MAGI1: variants seen among roughly 807,000 people sequenced by gnomAD.
The protein encoded by MAGI1 is membrane associated guanylate kinase, WW and PDZ domain containing 1, also known as membrane-associated guanylate kinase, WW and PDZ domain-containing protein 1.
Under a neutral mutation model 139.9 loss-of-function variants are expected in MAGI1, and 58 were observed. The observed-to-expected ratio is 0.41, with a 90% CI of 0.34 to 0.52. MAGI1 has a LOEUF of 0.52. MAGI1 is among the 20% of genes least tolerant of loss of function. MAGI1 has a pLI of 0.12. For synonymous variants in MAGI1, 812 were observed against 737.9 expected, an observed-to-expected ratio of 1.10 and a Z score of -1.63; for missense variants, 1,874 against 1,901.6, an observed-to-expected ratio of 0.99 and a Z score of 0.27.
At chr3:65,392,182 T>C (rs182443147) in intron 13 of MAGI1, among the ~76,000 whole-genome samples, 329 of 152,316 alleles carry the variant, frequency 2.2e-3, no homozygotes, top group South Asian at 4.6e-3. Flanking sequence ...CCTTGTTCAT[T>C]AAAATCTGCT....
At chr3:65,958,687 G>C (rs976471487) in intron 1 of MAGI1, among the ~76,000 whole-genome samples, 1 of 151,980 alleles carries the variant, frequency 6.6e-6, no homozygotes, top group Admixed American at 6.6e-5. Context: ...TGGTGCTTGT[G>C]AGCAAAAATA....
intron 1 of MAGI1, among the ~76,000 whole-genome samples, chr3:65,734,090 C>T (rs1385598310): frequency 6.6e-6 from 1 of 152,148 alleles, no homozygotes; most frequent in East Asian, 1.9e-4. Flanking sequence ...CGATTTTTCC[C>T]ATGGCTGACA....
At chr3:65,699,725 G>T (rs1311041084) in intron 1 of MAGI1, among the ~76,000 whole-genome samples, 3 of 122,950 alleles carry the variant, frequency 2.4e-5, no homozygotes, top group African/African-American at 9.4e-5. Flanking sequence ...TGGGGACTGT[G>T]GTGGGGTGGG....
chr3:65,485,650 C>A (rs1951576797), intron 3 of MAGI1, among the ~76,000 whole-genome samples: 1 of 152,162 alleles, frequency 6.6e-6, no homozygotes, highest in African/African-American at 2.4e-5. Context: ...AACACATATT[C>A]AAAGAACAAC....
intron 17 of MAGI1, among the ~76,000 whole-genome samples, chr3:65,376,221 T>C (rs183862947): frequency 1.3e-5 from 2 of 152,258 alleles, no homozygotes; most frequent in Admixed American, 1.3e-4. Flanking sequence ...CTTAAACCAA[T>C]TACAAAATTT....
At chr3:65,822,213 G>C (rs1450486557) in intron 1 of MAGI1, among the ~76,000 whole-genome samples, 1 of 152,122 alleles carries the variant, frequency 6.6e-6, no homozygotes, top group Non-Finnish European at 1.5e-5. Flanking sequence ...GAATTTAATA[G>C]ATAAAAAGAA....
intron 1 of MAGI1, chr3:65,844,221 C>A: frequency 2.0e-6 from 1 of 491,476 alleles, no homozygotes; most frequent in Non-Finnish European, 4.0e-6. Flanking sequence ...GATATAGATT[C>A]TCTGGTCATT....
chr3:65,641,238 T>C (rs1393351053), intron 1 of MAGI1, among the ~76,000 whole-genome samples: 5 of 152,178 alleles, frequency 3.3e-5, no homozygotes, highest in Non-Finnish European at 4.4e-5. Context: ...TCCTGGAATG[T>C]TCTAACGACA....
intron 18 of MAGI1, among the ~76,000 whole-genome samples, chr3:65,372,943 C>T (rs1287948457): frequency 2.0e-5 from 3 of 152,154 alleles, no homozygotes; most frequent in Non-Finnish European, 4.4e-5. Context: ...GATTTTCTAT[C>T]CAGACCACTC....
chr3:65,717,033 T>G (rs1335595243), intron 1 of MAGI1, among the ~76,000 whole-genome samples: 2 of 152,166 alleles, frequency 1.3e-5, no homozygotes, highest in African/African-American at 2.4e-5. Flanking sequence ...GCCGATATGA[T>G]TAAGTAAAGG....
chr3:65,595,249 T>C (rs2082137222), intron 2 of MAGI1, among the ~76,000 whole-genome samples: 1 of 152,240 alleles, frequency 6.6e-6, no homozygotes, highest in Non-Finnish European at 1.5e-5. Flanking sequence ...TCATTACTTC[T>C]ATGGCACCAT....
chr3:65,794,780 A>T (rs2040012830), intron 1 of MAGI1, among the ~76,000 whole-genome samples: 1 of 151,998 alleles, frequency 6.6e-6, no homozygotes, highest in Non-Finnish European at 1.5e-5. Context: ...TTTTTGACTA[A>T]ATCTTTTATG....
At chr3:65,530,622 GTGGTGTGT>G (rs1481486565) in intron 2 of MAGI1, among the ~76,000 whole-genome samples, 3 of 58,932 alleles carry the variant, frequency 5.1e-5, no homozygotes, top group Admixed American at 2.5e-4. Flanking sequence ...GTATGTGTGT[GTGGTGTGT>G]GTGTGTGTGT....
intron 1 of MAGI1, among the ~76,000 whole-genome samples, chr3:65,940,489 G>A (rs1484158523): frequency 6.6e-6 from 1 of 152,092 alleles, no homozygotes; most frequent in African/African-American, 2.4e-5. Flanking sequence ...AAAGCTCTCT[G>A]GGGTCTGTTT....
At chr3:65,679,425 C>T (rs577300151) in intron 1 of MAGI1, among the ~76,000 whole-genome samples, 1 of 152,204 alleles carries the variant, frequency 6.6e-6, no homozygotes, top group African/African-American at 2.4e-5. Flanking sequence ...GGGCCGGGCA[C>T]GGTGGCTCAC....
chr3:65,750,536 T>C (rs547818664), intron 1 of MAGI1, among the ~76,000 whole-genome samples: 2 of 152,346 alleles, frequency 1.3e-5, no homozygotes, highest in African/African-American at 4.8e-5. Flanking sequence ...TTCACACACA[T>C]TTTAGAAACA....
chr3:65,846,785 TCC>T (rs2059013235), intron 1 of MAGI1, among the ~76,000 whole-genome samples: 1 of 152,102 alleles, frequency 6.6e-6, no homozygotes, highest in Non-Finnish European at 1.5e-5. Context: ...GCAGTCTAAT[TCC>T]AGGGCCTATG....
intron 2 of MAGI1, among the ~76,000 whole-genome samples, chr3:65,576,924 C>CT: frequency 6.6e-6 from 1 of 152,294 alleles, no homozygotes; most frequent in East Asian, 1.9e-4. Context: ...TCCACAAATT[C>CT]AGACATTTTG....
intron 2 of MAGI1, among the ~76,000 whole-genome samples, chr3:65,551,705 C>T (rs1291493262): frequency 6.6e-6 from 1 of 152,224 alleles, no homozygotes; most frequent in Non-Finnish European, 1.5e-5. Context: ...TTACACTTCA[C>T]ATAATACTAG....
Sources: allele counts gnomAD v4.1 joint callset (sites outside exome capture counted in the v4.1 genomes callset), GRCh38; gene constraint gnomAD v4.1.1; transcripts MANE v1.5; gene names NCBI Gene and HGNC (gene_info 2026-07-23, HGNC 2026-07-21).